The following TG variants were observed in gnomAD, a reference collection of about 807,000 sequenced individuals.
TG encodes the protein thyroid hormones.
In TG, 270 loss-of-function variants were observed where a neutral mutation model predicts 324.7. The ratio of observed to expected loss-of-function variants is 0.83; its 90% CI spans 0.75 to 0.92. The LOEUF (loss-of-function observed/expected upper bound fraction) is 0.92. Ranked by LOEUF, TG falls within the 40% of genes least tolerant of loss-of-function variation. The pLI is 0.00. For synonymous variants in TG, 1,401 were observed against 1,327.0 expected, an observed-to-expected ratio of 1.06 and a Z score of -1.21; for missense variants, 3,591 against 3,456.4, an observed-to-expected ratio of 1.04 and a Z score of -0.98.
chr8:133,102,436 G>A, intron 43 of TG: 1 of 888,366 alleles, frequency 1.1e-6, no homozygotes, highest in Admixed American at 2.3e-5. Flanking sequence ...TCAGACCAAA[G>A]ACGGAGGGTG....
At chr8:133,022,221 A>T in intron 40 of TG, 71 bp downstream of exon 40, 1 of 1,598,626 alleles carries the variant, frequency 6.3e-7, no homozygotes. Context: ...CCCAAGACCC[A>T]TCCCCTCACT....
intron 23 of TG, among the ~76,000 whole-genome samples, chr8:132,931,211 C>G (rs1822667050): frequency 6.6e-6 from 1 of 152,188 alleles, no homozygotes; most frequent in African/African-American, 2.4e-5. Flanking sequence ...ATCTTTATTT[C>G]TCATAAGGAC....
chr8:132,936,749 G>A (rs750362472), intron 25 of TG, among the ~76,000 whole-genome samples: 6 of 152,186 alleles, frequency 3.9e-5, no homozygotes, highest in South Asian at 2.1e-4. Context: ...CCTCCTCTCC[G>A]GTGGGGTGGA....
intron 41 of TG, among the ~76,000 whole-genome samples, chr8:133,078,646 G>C (rs2702973): frequency 7.9e-5 from 12 of 152,072 alleles, no homozygotes; most frequent in African/African-American, 2.9e-4. Context: ...TAACTGTACT[G>C]TGTGCCAGGC....
intron 43 of TG, among the ~76,000 whole-genome samples, chr8:133,099,093 A>C (rs944235027): frequency 1.3e-5 from 2 of 152,202 alleles, no homozygotes; most frequent in African/African-American, 4.8e-5. Flanking sequence ...CACCAGCAGG[A>C]GGCTCACTGC....
In TG at chr8:133,093,724, TAAC is replaced by T. The variant is rs923586607; in HGVS notation, c.7240-1315_7240-1313del. Reference sequence around the variant, plus strand: ...GCTTGACAATAAACAGAGATCATCGTAACAACAGTGCCACCACCTTTCATCAGG... The same window carrying T: ...GCTTGACAATAAACAGAGATCATCGTAACAGTGCCACCACCTTTCATCAGG... On this transcript the variant is annotated intron_variant, in intron 41 of 47. Transcript: ENST00000220616. Among the ~76,000 whole-genome samples the T allele has an allele frequency of 5.2e-4, 79 of 152,278 alleles. 1 individual carries two copies. Among genetic ancestry groups the T allele is most frequent in the African/African-American group, 1.9e-3 (77 of 41,560 alleles).
intron 35 of TG, among the ~76,000 whole-genome samples, chr8:132,989,348 T>A (rs1386496100): frequency 1.3e-5 from 2 of 152,244 alleles, no homozygotes; most frequent in African/African-American, 4.8e-5. Flanking sequence ...CTCTCCATTC[T>A]ATGTGTGTTT....
At chr8:133,029,622 G>A (rs142594622) in intron 40 of TG, among the ~76,000 whole-genome samples, 199 bp from the exon 41 acceptor site, 5 of 152,246 alleles carry the variant, frequency 3.3e-5, no homozygotes, top group African/African-American at 1.2e-4. Flanking sequence ...TAGCATTCAG[G>A]CCTATGTGTG....
chr8:133,013,339 G>A (rs1013881771), intron 36 of TG, among the ~76,000 whole-genome samples: 5 of 152,178 alleles, frequency 3.3e-5, no homozygotes, highest in African/African-American at 1.2e-4. Context: ...GGGTGGATGA[G>A]TGGTTGGGTG....
chr8:132,898,927 A>G lies in TG; in HGVS notation c.3330+17A>G. On this transcript the variant is annotated intron_variant, in intron 14 of 47. Transcript: ENST00000220616. ...TGCCTAGAAGTAAGGGTCTGGAAGC[A>G]CAGGATTGGAGCCGGGACTTGTCCC... is the stretch of plus-strand genomic sequence containing the variant. 6.2e-7 allele frequency: 1 copy of G among 1,606,144 alleles called. No individual in the cohort carries two copies. Among genetic ancestry groups the G allele is most frequent in the Non-Finnish European group, 8.5e-7 (1 of 1,173,780 alleles).
intron 41 of TG, among the ~76,000 whole-genome samples, chr8:133,085,722 G>A (rs1199197666): frequency 2.0e-5 from 3 of 152,170 alleles, no homozygotes; most frequent in Non-Finnish European, 4.4e-5. Flanking sequence ...CAGATTGTAA[G>A]CATTACTGAA....
At chr8:132,868,831 G>A (rs149485946) in intron 2 of TG, among the ~76,000 whole-genome samples, 1 of 152,326 alleles carries the variant, frequency 6.6e-6, no homozygotes. Flanking sequence ...ATTCTTCCCT[G>A]CAGAATAGAC....
chr8:132,921,680 T>C (rs891722070), intron 21 of TG, among the ~76,000 whole-genome samples: 5 of 152,244 alleles, frequency 3.3e-5, no homozygotes, highest in African/African-American at 1.2e-4. Context: ...TGCTTATACT[T>C]TTCTCCTACA....
chr8:132,914,935 GGGTGTACTGGT>G (rs1820070307), intron 20 of TG, among the ~76,000 whole-genome samples: 1 of 152,104 alleles, frequency 6.6e-6, no homozygotes, highest in South Asian at 2.1e-4. Context: ...GAACTAGCAG[GGGTGTACTGGT>G]GTATGTGGCG....
intron 45 of TG, among the ~76,000 whole-genome samples, chr8:133,120,014 A>T (rs1356409417): frequency 6.6e-6 from 1 of 152,148 alleles, no homozygotes; most frequent in Non-Finnish European, 1.5e-5. Flanking sequence ...GTGCCCTCCT[A>T]ATCCAGTGGT....
At chr8:132,955,286 C>T (rs1337237763) in intron 27 of TG, among the ~76,000 whole-genome samples, 1 of 152,172 alleles carries the variant, frequency 6.6e-6, no homozygotes, top group Non-Finnish European at 1.5e-5. Flanking sequence ...CAGAAACTGT[C>T]GCAACCTGTC....
At chr8:133,088,443 C>A (rs1371311090) in intron 41 of TG, among the ~76,000 whole-genome samples, 2 of 152,190 alleles carry the variant, frequency 1.3e-5, no homozygotes, top group East Asian at 3.9e-4. Flanking sequence ...TCTAGCCCTG[C>A]TACTGATCAG....
rs765116879 is a variant in TG, at chr8:133,134,764, G to C, written c.8277G>C (p.Gln2759His). ...TAAGAGAAGATCTCCTAAGCCTCCA[G>C]GAACCAGGCTCTAAGACCTACAGCA... ...SGLREDLLSLQEPGSKTYSK is the reference protein window; with the variant it reads ...SGLREDLLSLHEPGSKTYSK Residue 2759 changes from glutamine to histidine, a missense_variant, in exon 48 of 48, where the codon CAG becomes CAC. Transcript: ENST00000220616. The C allele has an allele frequency of 6.2e-7, 1 of 1,614,158 alleles. No individual in the cohort carries two copies. The highest frequency in any genetic ancestry group is 8.5e-7 in the Non-Finnish European group (1 of 1,180,006).
At chr8:133,109,393 G>C (rs1448205334) in intron 43 of TG, among the ~76,000 whole-genome samples, 1 of 152,188 alleles carries the variant, frequency 6.6e-6, no homozygotes, top group African/African-American at 2.4e-5. Context: ...GCAAACTAGG[G>C]AAAGGTGTTT....
Sources: gnomAD v4.1 joint callset for allele counts (sites outside exome capture counted in the v4.1 genomes callset) on GRCh38, gnomAD v4.1.1 for gene constraint, MANE v1.5 for transcripts, NCBI Gene and HGNC (gene_info 2026-07-23, HGNC 2026-07-21) for gene names.